The following PIBF1 variants were observed in gnomAD, a reference collection of about 807,000 sequenced individuals.
PIBF1 encodes the protein progesterone immunomodulatory binding factor 1.
PIBF1 carries 90 observed loss-of-function variants against 112.5 expected under a neutral mutation model. The observed-to-expected ratio is 0.80, with a 90% CI of 0.67 to 0.95. The LOEUF (loss-of-function observed/expected upper bound fraction) is 0.95, where lower values mean the gene tolerates loss of function less well. PIBF1 is among the 40% of genes least tolerant of loss of function. The pLI, the probability that PIBF1 is intolerant of heterozygous loss-of-function variation, is 0.00. For missense variants in PIBF1, 915 were observed against 852.3 expected, an observed-to-expected ratio of 1.07 and a Z score of -0.92; for synonymous variants, 301 against 288.6, an observed-to-expected ratio of 1.04 and a Z score of -0.44.
intron 14 of PIBF1, among the ~76,000 whole-genome samples, chr13:72,948,883 C>A (rs1034312718): frequency 6.6e-6 from 1 of 152,182 alleles, no homozygotes; most frequent in Admixed American, 6.5e-5. Context: ...AGCGTAACCA[C>A]GCCCATGATT....
intron 16 of PIBF1, among the ~76,000 whole-genome samples, chr13:72,987,898 C>G (rs1420421659): frequency 8.9e-6 from 1 of 112,612 alleles, no homozygotes; most frequent in Non-Finnish European, 1.6e-5. Flanking sequence ...GAGTCTCGCT[C>G]TGTCGCCAGA....
At chr13:72,901,417 G>A (rs555813622) in intron 11 of PIBF1, among the ~76,000 whole-genome samples, 33 of 152,252 alleles carry the variant, frequency 2.2e-4, no homozygotes, top group African/African-American at 7.0e-4. Context: ...GGCTGGGCAC[G>A]GTGGCTCACG....
intron 11 of PIBF1, among the ~76,000 whole-genome samples, chr13:72,897,170 A>G (rs141148436): frequency 1.1e-4 from 16 of 152,308 alleles, no homozygotes; most frequent in Admixed American, 6.5e-4. Context: ...CAAAACAATT[A>G]TAAGCCAATA....
At chr13:72,874,640 A>T (rs2325486) in intron 10 of PIBF1, among the ~76,000 whole-genome samples, 117,986 of 152,138 alleles carry the variant, frequency 0.78, 46,061 homozygotes, top group South Asian at 0.85. Flanking sequence ...AATGATGTTA[A>T]GATCATAGTC....
chr13:72,817,222 A>G (rs2036315640), intron 5 of PIBF1, among the ~76,000 whole-genome samples: 1 of 152,206 alleles, frequency 6.6e-6, no homozygotes, highest in Admixed American at 6.5e-5. Context: ...TTTATTTTGA[A>G]ACATAGGTTG....
At chr13:72,792,832 G>A (rs991697678) in intron 3 of PIBF1, among the ~76,000 whole-genome samples, 4 of 152,132 alleles carry the variant, frequency 2.6e-5, no homozygotes, top group Admixed American at 6.5e-5. Flanking sequence ...CTTCTTTTAC[G>A]CAACATATTG....
chr13:72,858,504 T>C (rs138630751), intron 10 of PIBF1, among the ~76,000 whole-genome samples: 84 of 152,342 alleles, frequency 5.5e-4, no homozygotes, highest in African/African-American at 1.9e-3. Flanking sequence ...TGAATACTCT[T>C]ACAGAATACA....
rs200477732 is a variant in PIBF1, at chr13:72,927,058, A to G, written c.1731-4107A>G. Among the ~76,000 whole-genome samples, 3 of 151,890 alleles carry G rather than the reference A, an allele frequency of 2.0e-5. No individual in the cohort carries two copies. The East Asian group carries it at 5.8e-4, about 29-fold the overall frequency. ...ATATTCATCACCAAGAAAAAATAGT[A>G]ATTTCCTTTTTTTTTTTTTTTGAAA... On this transcript the variant is annotated intron_variant, in intron 13 of 17. Transcript: ENST00000326291.
intron 14 of PIBF1, among the ~76,000 whole-genome samples, chr13:72,934,104 T>G (rs1441273984): frequency 6.6e-6 from 1 of 152,146 alleles, no homozygotes; most frequent in Admixed American, 6.6e-5. Flanking sequence ...AGATTGAAAA[T>G]AAAATATTTA....
chr13:72,957,908 C>T (rs1228929713), intron 14 of PIBF1, among the ~76,000 whole-genome samples: 7 of 151,806 alleles, frequency 4.6e-5, no homozygotes, highest in African/African-American at 9.7e-5. Context: ...GCCGTGATTG[C>T]GCCACTGCAC....
chr13:72,906,384 CTTTATA>C (rs1489683652), intron 11 of PIBF1, among the ~76,000 whole-genome samples: 2 of 152,042 alleles, frequency 1.3e-5, no homozygotes, highest in Non-Finnish European at 2.9e-5. Flanking sequence ...ACTGTGAGAA[CTTTATA>C]TTTAATGGAT....
intron 9 of PIBF1, among the ~76,000 whole-genome samples, chr13:72,839,366 T>C (rs1176109306): frequency 6.6e-6 from 1 of 152,222 alleles, no homozygotes; most frequent in African/African-American, 2.4e-5. Flanking sequence ...GTGATATAGT[T>C]TTTAAAACAT....
intron 17 of PIBF1, among the ~76,000 whole-genome samples, chr13:73,013,967 G>A (rs1008201372): frequency 1.3e-5 from 2 of 152,022 alleles, no homozygotes; most frequent in Non-Finnish European, 2.9e-5. Context: ...AAAATTGAAG[G>A]AATTTATTCC....
chr13:72,880,577 G>A (rs1016045990), intron 10 of PIBF1, among the ~76,000 whole-genome samples: 2 of 152,158 alleles, frequency 1.3e-5, no homozygotes, highest in Non-Finnish European at 2.9e-5. Flanking sequence ...TGAGACACAG[G>A]TAGTAAAGAG....
chr13:72,928,011 A>ATG (rs2041571283), intron 13 of PIBF1, among the ~76,000 whole-genome samples: 1 of 60,596 alleles, frequency 1.7e-5, no homozygotes, highest in Admixed American at 2.3e-4. Context: ...ATATACATAT[A>ATG]TATACATATA....
At chr13:72,931,760 G>GCATATGTAAT (rs1240390928) in intron 14 of PIBF1, among the ~76,000 whole-genome samples, 2 of 99,202 alleles carry the variant, frequency 2.0e-5, no homozygotes, top group African/African-American at 7.0e-5. Context: ...ATTTTACATA[G>GCATATGTAAT]CATTTTTAAT....
At chr13:72,961,349 CATT>C (rs1165842961) in intron 14 of PIBF1, among the ~76,000 whole-genome samples, 5 of 151,996 alleles carry the variant, frequency 3.3e-5, no homozygotes, top group Non-Finnish European at 7.4e-5. Context: ...TCTAATCACT[CATT>C]ATTTTATTAA....
chr13:72,967,129 T>A (rs2042763075), intron 15 of PIBF1, among the ~76,000 whole-genome samples: 1 of 151,882 alleles, frequency 6.6e-6, no homozygotes, highest in African/African-American at 2.4e-5. Context: ...GGAGACAGGG[T>A]TTCACCATGT....
At position 72,840,585 on chromosome 13, in the gene PIBF1, G is replaced by A. The variant is rs529843988; in HGVS notation, c.1223+5217G>A. 6.7e-5 allele frequency among the ~76,000 whole-genome samples: 10 copies of A among 148,556 alleles called. 1 individual carries two copies. The East Asian group carries it at 1.8e-3, about 27-fold the overall frequency. ...GTCACCCAGACTGGAGTGCAGTGGC[G>A]TGATCTCAGCTCACTGCAACCTCCA... On this transcript the variant is annotated intron_variant, in intron 9 of 17. Transcript: ENST00000326291.
Sources: gnomAD v4.1 joint callset for allele counts (sites outside exome capture counted in the v4.1 genomes callset) on GRCh38, gnomAD v4.1.1 for gene constraint, MANE v1.5 for transcripts, NCBI Gene and HGNC (gene_info 2026-07-23, HGNC 2026-07-21) for gene names.